Variants in PAQR5 observed in about 807,000 individuals in gnomAD.
The protein encoded by PAQR5 is progestin and adipoQ receptor family member 5.
In PAQR5, 20 loss-of-function variants were observed where a neutral mutation model predicts 34.5. The observed-to-expected ratio is 0.58, with a 90% CI of 0.41 to 0.84. PAQR5 has a LOEUF of 0.84. Among genes scored for constraint, PAQR5 ranks in the 40% least tolerant of loss-of-function variants. The pLI is 0.00. For missense variants in PAQR5, 378 were observed against 412.7 expected, an observed-to-expected ratio of 0.92 and a Z score of 0.73; for synonymous variants, 131 against 155.6, an observed-to-expected ratio of 0.84 and a Z score of 1.18.
At chr15:69,346,403 C>G (rs2054773490) in intron 2 of PAQR5, among the ~76,000 whole-genome samples, 1 of 140,530 alleles carries the variant, frequency 7.1e-6, no homozygotes, top group East Asian at 2.2e-4. Context: ...CCTCCTGGGC[C>G]CGAGCCATTC....
Position 69,385,136 on chromosome 15 carries a change from C to A in PAQR5, c.385+254C>A, listed in dbSNP as rs143071897. Among the ~76,000 whole-genome samples the A allele has an allele frequency of 4.6e-5, 7 of 152,316 alleles. No individual in the cohort carries two copies. The East Asian group carries it at 1.3e-3, about 29-fold the overall frequency. On this transcript the variant is annotated intron_variant, in intron 5 of 8. Coordinates refer to ENST00000395407, the MANE Select transcript of PAQR5 (RefSeq NM_017705.4). The surrounding 1 kb of genome is among the most constrained non-coding windows in gnomAD (Gnocchi z 4.7). Reference sequence around the variant, plus strand: ...TGTTGCCAGTTTCTGTGGTGTAAATCTTCCCATCATGTCCAGCTTCAACCT... The same window carrying A: ...TGTTGCCAGTTTCTGTGGTGTAAATATTCCCATCATGTCCAGCTTCAACCT...
chr15:69,376,901 G>A (rs1181602770), intron 3 of PAQR5, among the ~76,000 whole-genome samples: 1 of 152,192 alleles, frequency 6.6e-6, no homozygotes, highest in East Asian at 1.9e-4. Flanking sequence ...GAGAAGGGAA[G>A]TAGTCACAAA....
rs1473668956 is a variant in PAQR5 at position 69,300,799 on chromosome 15, TTTCC to T, written c.-277+1747_-277+1750del. Among the ~76,000 whole-genome samples the T allele has an allele frequency of 8.6e-3, 294 of 34,254 alleles. 70 individuals carry two copies. Among genetic ancestry groups the T allele is most frequent in the African/African-American group, 0.026 (287 of 11,168 alleles). The allele number at this position is 34,254 out of a possible 152,430, so 22.5% of individuals were successfully genotyped here. ...CTCTCTCTCTCTCTTTCTTTCTTTC[TTTCC>T]TTCTTTCCTTCCTTCCTTCCTTCCT... On this transcript the variant is annotated intron_variant, in intron 1 of 8. Coordinates refer to ENST00000395407, the MANE Select transcript of PAQR5 (RefSeq NM_017705.4).
rs536100202 is a variant in PAQR5 at position 69,305,823 on chromosome 15, G to A, written c.-277+6767G>A. Among the ~76,000 whole-genome samples, 23 of 152,250 alleles carry A rather than the reference G, an allele frequency of 1.5e-4. No homozygotes were observed. In the South Asian group the frequency reaches 3.5e-3, roughly 23 times the overall value. On this transcript the variant is annotated intron_variant, in intron 1 of 8. Coordinates refer to ENST00000395407, the MANE Select transcript of PAQR5 (RefSeq NM_017705.4). ...CCCAAGTTAGCTGTTTATTAACTTC[G>A]TCCACGGAAACCCCCTTCTGACCTT...
intron 6 of PAQR5, among the ~76,000 whole-genome samples, chr15:69,392,766 C>T (rs1225972631): frequency 6.6e-6 from 1 of 151,166 alleles, no homozygotes; most frequent in African/African-American, 2.4e-5. Context: ...GGCTTTAGGA[C>T]TGGATATTGA....
chr15:69,322,836 G>GA lies in PAQR5; in HGVS notation c.-276-14504dup, dbSNP rs1210217048. 2.0e-3 allele frequency among the ~76,000 whole-genome samples: 293 copies of GA among 147,266 alleles called. 50 individuals carry two copies. The highest frequency in any genetic ancestry group is 7.1e-3 in the African/African-American group (273 of 38,568). ...GGAAGAAGAAGAAGAAGAAGAAGAAGAGGAAGAAGAAGAGGAATTATTTCA... is the reference window on the plus strand; with the variant it reads ...GGAAGAAGAAGAAGAAGAAGAAGAAGAAGGAAGAAGAAGAGGAATTATTTCA... On this transcript the variant is annotated intron_variant, in intron 1 of 8. Transcript: ENST00000395407.
intron 2 of PAQR5, among the ~76,000 whole-genome samples, chr15:69,350,088 G>T (rs965631885): frequency 6.6e-6 from 1 of 152,212 alleles, no homozygotes; most frequent in Non-Finnish European, 1.5e-5. Context: ...AAAAGCAGTC[G>T]CTTAATTGGA....
chr15:69,357,790 G>T (rs1277558266), intron 2 of PAQR5, among the ~76,000 whole-genome samples: 1 of 152,156 alleles, frequency 6.6e-6, no homozygotes, highest in African/African-American at 2.4e-5. Context: ...AGAAGCAAAA[G>T]TAAACGAACC....
chr15:69,338,756 T>A (rs1185403726), intron 2 of PAQR5, among the ~76,000 whole-genome samples: 6 of 152,234 alleles, frequency 3.9e-5, no homozygotes, highest in Non-Finnish European at 7.3e-5. Flanking sequence ...TCCATCTTGC[T>A]TCTAACCTCC....
At chr15:69,350,585 G>A (rs780231977) in intron 2 of PAQR5, among the ~76,000 whole-genome samples, 1 of 152,158 alleles carries the variant, frequency 6.6e-6, no homozygotes, top group Admixed American at 6.5e-5. Flanking sequence ...GGAGGCTGCA[G>A]TGAGCCGAGA....
At chr15:69,326,799 G>A (rs2054263076) in intron 1 of PAQR5, among the ~76,000 whole-genome samples, 1 of 147,802 alleles carries the variant, frequency 6.8e-6, no homozygotes, top group African/African-American at 2.5e-5. Flanking sequence ...AAATTGTGCA[G>A]AAGGTAATTT....
intron 4 of PAQR5, among the ~76,000 whole-genome samples, chr15:69,384,147 G>GGGC (rs2056024501): frequency 7.2e-6 from 1 of 138,050 alleles, no homozygotes; most frequent in African/African-American, 2.7e-5. Context: ...GGGTGAGTGG[G>GGGC]CCTCTGTGCT....
chr15:69,398,588 G>A (rs2056527044), intron 7 of PAQR5, among the ~76,000 whole-genome samples: 1 of 152,182 alleles, frequency 6.6e-6, no homozygotes, highest in Non-Finnish European at 1.5e-5. Flanking sequence ...GACAAGGGGA[G>A]GGGCTGAGCT....
At chr15:69,333,743 C>T (rs983824758) in intron 1 of PAQR5, among the ~76,000 whole-genome samples, 3 of 152,100 alleles carry the variant, frequency 2.0e-5, no homozygotes, top group Non-Finnish European at 4.4e-5. Flanking sequence ...GCTTATTTGG[C>T]TCTAGAAATG....
intron 2 of PAQR5, among the ~76,000 whole-genome samples, chr15:69,352,948 T>G (rs1195461078): frequency 6.6e-6 from 1 of 152,222 alleles, no homozygotes; most frequent in Non-Finnish European, 1.5e-5. Context: ...AAGAGTGACC[T>G]CGTCAGAGGA....
chr15:69,364,503 T>C (rs1486032797), intron 3 of PAQR5, among the ~76,000 whole-genome samples: 1 of 145,416 alleles, frequency 6.9e-6, no homozygotes, highest in Non-Finnish European at 1.5e-5. Flanking sequence ...ATATATGTTA[T>C]ATATATACAT....
At chr15:69,322,654 CA>C (rs756926537) in intron 1 of PAQR5, among the ~76,000 whole-genome samples, 12,276 of 23,502 alleles carry the variant, frequency 0.52, 1,851 homozygotes, top group Middle Eastern at 0.68. Flanking sequence ...GACCCTGTCT[CA>C]AAAAAAAAAA....
Position 69,404,659 on chromosome 15 carries a change from T to C in PAQR5, c.*837T>C, listed in dbSNP as rs1347313844. 6.5e-6 allele frequency: 2 copies of C among 307,826 alleles called. No homozygotes were observed. Among genetic ancestry groups the C allele is most frequent in the Non-Finnish European group, 1.2e-5 (2 of 169,508 alleles). 19.1% of individuals were successfully genotyped at this position (307,826 alleles called of 1,614,324 possible). A position where few individuals can be genotyped will look rare whatever the true frequency, so the allele number is the denominator to read the frequency against. On this transcript the variant is annotated 3_prime_UTR_variant, in exon 9 of 9. Transcript: ENST00000395407. ...CACCTTTTAAACCAATGGAAATTGC[T>C]ATATTTGGGGATGTCATACATTTGA...
chr15:69,321,081 A>T (rs1336126873), intron 1 of PAQR5, among the ~76,000 whole-genome samples: 1 of 152,052 alleles, frequency 6.6e-6, no homozygotes, highest in Non-Finnish European at 1.5e-5. Flanking sequence ...TCTTGTTCAG[A>T]TGGAGATTCT....
Sources: gnomAD v4.1 joint callset for allele counts (sites outside exome capture counted in the v4.1 genomes callset) on GRCh38, gnomAD v4.1.1 for gene constraint, Gnocchi (gnomAD v3.1) non-coding constraint, MANE v1.5 for transcripts, NCBI Gene and HGNC (gene_info 2026-07-23, HGNC 2026-07-21) for gene names.